The following NCALD variants were observed in gnomAD, a reference collection of about 807,000 sequenced individuals.
The protein encoded by NCALD is neurocalcin delta, also known as neurocalcin-delta.
A neutral mutation model predicts 18.6 loss-of-function variants in NCALD; 10 were observed. That is an observed-to-expected ratio of 0.54 (90% CI 0.33 to 0.91). The LOEUF (loss-of-function observed/expected upper bound fraction) is 0.91, where lower values mean the gene tolerates loss of function less well. Ranked by LOEUF, NCALD falls within the 40% of genes least tolerant of loss-of-function variation. The pLI is 0.03. For missense variants in NCALD, 184 were observed against 247.6 expected (o/e 0.74, Z 1.72); for synonymous variants, 88 against 87.4 (o/e 1.01, Z -0.04).
At chr8:102,100,319 T>C (rs1343221747) in intron 1 of NCALD, among the ~76,000 whole-genome samples, 6 of 152,218 alleles carry the variant, frequency 3.9e-5, no homozygotes, top group Admixed American at 6.5e-5. Flanking sequence ...TCACAAAATG[T>C]TATATCCAGA....
At chr8:102,124,128 A>T (rs903307306) in intron 1 of NCALD, 7 of 151,636 alleles carry the variant, frequency 4.6e-5, no homozygotes, top group African/African-American at 1.7e-4. Context: ...CCCGCGGCGC[A>T]CCGAGCGCAC....
intron 1 of NCALD, among the ~76,000 whole-genome samples, chr8:102,047,610 A>G (rs1213304182): frequency 6.6e-6 from 1 of 152,238 alleles, no homozygotes. Flanking sequence ...TGCAGCATTT[A>G]TCATAGAACA....
intron 2 of NCALD, chr8:101,693,805 C>G (rs1814860139): frequency 6.6e-6 from 1 of 152,218 alleles, no homozygotes; most frequent in South Asian, 2.1e-4. Flanking sequence ...CTAGTCCATT[C>G]CAGTGCTTTT....
chr8:101,785,494 T>C (rs993207222), intron 1 of NCALD, among the ~76,000 whole-genome samples: 2 of 152,134 alleles, frequency 1.3e-5, no homozygotes, highest in Admixed American at 6.5e-5. Flanking sequence ...TTTAACTAGA[T>C]AGAAGGAGCC....
intron 4 of NCALD, among the ~76,000 whole-genome samples, chr8:101,810,364 C>T (rs1337343384): frequency 6.6e-6 from 1 of 152,066 alleles, no homozygotes; most frequent in Non-Finnish European, 1.5e-5. Flanking sequence ...GTATCTCGTA[C>T]AGTTAGACTG....
At chr8:102,059,472 GA>G (rs1374840748) in intron 1 of NCALD, among the ~76,000 whole-genome samples, 1 of 152,230 alleles carries the variant, frequency 6.6e-6, no homozygotes, top group East Asian at 1.9e-4. Context: ...ACAAATGGAT[GA>G]AAGGATGTTT....
At chr8:101,884,758 C>T (rs1816614310) in intron 4 of NCALD, among the ~76,000 whole-genome samples, 1 of 151,874 alleles carries the variant, frequency 6.6e-6, no homozygotes, top group Non-Finnish European at 1.5e-5. Flanking sequence ...AAGAACGTGA[C>T]TGGATGGAAA....
At chr8:102,033,493 G>A (rs1375827774) in intron 1 of NCALD, among the ~76,000 whole-genome samples, 1 of 152,126 alleles carries the variant, frequency 6.6e-6, no homozygotes, top group African/African-American at 2.4e-5. Flanking sequence ...TGCTACCTGT[G>A]CCTAAGATTT....
At chr8:101,845,337 G>A (rs1660034180) in intron 4 of NCALD, among the ~76,000 whole-genome samples, 1 of 152,106 alleles carries the variant, frequency 6.6e-6, no homozygotes, top group Non-Finnish European at 1.5e-5. Context: ...AGGAGCCCTG[G>A]GCCAGAGGAG....
At chr8:101,757,298 G>C (rs1810922415) in intron 1 of NCALD, among the ~76,000 whole-genome samples, 2 of 152,192 alleles carry the variant, frequency 1.3e-5, no homozygotes, top group South Asian at 4.1e-4. Flanking sequence ...AAAAAGAAAA[G>C]TAACTGAACA....
intron 1 of NCALD, among the ~76,000 whole-genome samples, chr8:102,109,030 T>C (rs1825563684): frequency 6.6e-6 from 1 of 152,138 alleles, no homozygotes; most frequent in Non-Finnish European, 1.5e-5. Flanking sequence ...GCAGGAGTGA[T>C]GAAAATGTGA....
At chr8:101,830,729 G>A (rs1814144986) in intron 4 of NCALD, among the ~76,000 whole-genome samples, 1 of 151,050 alleles carries the variant, frequency 6.6e-6, no homozygotes, top group Non-Finnish European at 1.5e-5. Context: ...TTGCATTTTT[G>A]GAGAGGAATA....
At chr8:101,991,596 G>A (rs574698099) in intron 2 of NCALD, among the ~76,000 whole-genome samples, 4 of 152,268 alleles carry the variant, frequency 2.6e-5, no homozygotes, top group African/African-American at 9.6e-5. Context: ...AGAAAGTTCG[G>A]GAAGGGCTGG....
chr8:102,026,884 C>A (rs535917628), intron 1 of NCALD, among the ~76,000 whole-genome samples: 3 of 152,340 alleles, frequency 2.0e-5, no homozygotes, highest in African/African-American at 4.8e-5. Flanking sequence ...AACCACAATT[C>A]TTGACTTCTG....
intron 3 of NCALD, chr8:101,691,228 C>T (rs1414119134): frequency 1.0e-6 from 1 of 985,218 alleles, no homozygotes; most frequent in Admixed American, 6.1e-5. Flanking sequence ...AGCCCCTCTT[C>T]CTCCTTCCTT....
At chr8:101,873,359 C>T (rs773438430) in intron 4 of NCALD, among the ~76,000 whole-genome samples, 4 of 152,222 alleles carry the variant, frequency 2.6e-5, no homozygotes, top group Non-Finnish European at 5.9e-5. Context: ...CTGTCCCTCA[C>T]CTTCATGGTG....
chr8:101,816,248 A>G (rs1434051924), intron 4 of NCALD, among the ~76,000 whole-genome samples: 1 of 152,156 alleles, frequency 6.6e-6, no homozygotes, highest in Non-Finnish European at 1.5e-5. Flanking sequence ...ACTGTGGTAT[A>G]AGGATTATTT....
intron 4 of NCALD, among the ~76,000 whole-genome samples, chr8:101,862,040 A>C (rs1202733726): frequency 6.6e-6 from 1 of 152,230 alleles, no homozygotes; most frequent in Non-Finnish European, 1.5e-5. Flanking sequence ...AAAAGGATTC[A>C]TCACCAGGCT....
intron 1 of NCALD, among the ~76,000 whole-genome samples, chr8:101,749,387 A>T (rs79730952): frequency 0.046 from 6,959 of 152,194 alleles, 376 homozygotes; most frequent in African/African-American, 0.13. Flanking sequence ...AATAGGATTT[A>T]AAAAAGGGCT....
Sources: allele counts gnomAD v4.1 joint callset (sites outside exome capture counted in the v4.1 genomes callset), GRCh38; gene constraint gnomAD v4.1.1; transcripts MANE v1.5; gene names NCBI Gene and HGNC (gene_info 2026-07-23, HGNC 2026-07-21).